PAK4: variants seen among roughly 807,000 people sequenced by gnomAD.
The protein encoded by PAK4 is serine/threonine-protein kinase PAK 4.
Under a neutral mutation model 53.5 loss-of-function variants are expected in PAK4, and 49 were observed. That is an observed-to-expected ratio of 0.92 (90% CI 0.73 to 1.16). The LOEUF is 1.16. Ranked by LOEUF, PAK4 falls within the 50% of genes most tolerant of loss-of-function variation. PAK4 has a pLI of 0.00. For missense variants in PAK4, 824 were observed against 850.7 expected, an observed-to-expected ratio of 0.97 and a Z score of 0.39; for synonymous variants, 376 against 375.6, an observed-to-expected ratio of 1.00 and a Z score of -0.01.
At chr19:39,138,458 A>G (rs2073857175) in intron 1 of PAK4, among the ~76,000 whole-genome samples, 1 of 152,200 alleles carries the variant, frequency 6.6e-6, no homozygotes, top group Non-Finnish European at 1.5e-5. Flanking sequence ...TGAGTCTCCC[A>G]ATCCATGAAC....
chr19:39,126,780 C>G (rs1016429402), intron 1 of PAK4, among the ~76,000 whole-genome samples: 2 of 152,198 alleles, frequency 1.3e-5, no homozygotes, highest in Non-Finnish European at 2.9e-5. Context: ...ACACTGTGCT[C>G]CACGCCCTGT....
At chr19:39,177,784 C>T in exon 8 of PAK4, 3 of 1,613,358 alleles carry the variant, frequency 1.9e-6, no homozygotes, top group Non-Finnish European at 2.5e-6. Context: ...GACAACCTGC[C>T]ACCCCGACTG....
intron 1 of PAK4, among the ~76,000 whole-genome samples, chr19:39,163,758 G>C (rs1421370103): frequency 1.3e-5 from 2 of 152,232 alleles, no homozygotes; most frequent in Non-Finnish European, 2.9e-5. Flanking sequence ...CCTTCCTGCT[G>C]CTCTGGGACT....
At chr19:39,132,444 C>T (rs1251721586) in intron 1 of PAK4, among the ~76,000 whole-genome samples, 2 of 152,230 alleles carry the variant, frequency 1.3e-5, no homozygotes, top group South Asian at 2.1e-4. Flanking sequence ...TCAAATGGAG[C>T]GGACTTCCCA....
intron 1 of PAK4, among the ~76,000 whole-genome samples, chr19:39,141,874 G>T (rs777163014): frequency 3.9e-5 from 6 of 152,130 alleles, no homozygotes; most frequent in African/African-American, 1.4e-4. Flanking sequence ...TGATCCACCC[G>T]CCTCGGCCTC....
intron 1 of PAK4, among the ~76,000 whole-genome samples, chr19:39,130,751 C>T (rs1381246013): frequency 2.0e-5 from 3 of 151,904 alleles, no homozygotes; most frequent in Non-Finnish European, 4.4e-5. Flanking sequence ...GTGTTGGATA[C>T]AGCAGGGCCT....
At chr19:39,147,537 C>A (rs528760502) in intron 1 of PAK4, among the ~76,000 whole-genome samples, 1 of 152,176 alleles carries the variant, frequency 6.6e-6, no homozygotes, top group Non-Finnish European at 1.5e-5. Flanking sequence ...TGCTGGGCAG[C>A]GTGCTGGTTG....
intron 1 of PAK4, among the ~76,000 whole-genome samples, chr19:39,132,445 G>C (rs555492646): frequency 6.6e-6 from 1 of 152,174 alleles, no homozygotes; most frequent in African/African-American, 2.4e-5. Flanking sequence ...CAAATGGAGC[G>C]GACTTCCCAT....
chr19:39,174,001 C>T, exon 4 of PAK4: 1 of 1,592,462 alleles, frequency 6.3e-7, no homozygotes, highest in Non-Finnish European at 8.5e-7. Flanking sequence ...GCGAGCTGCT[C>T]TTCAACGAGG....
rs561528983 is a variant in PAK4, at chr19:39,143,045, T to A, written c.-23+17126T>A. Among the ~76,000 whole-genome samples, 104 of 152,158 alleles carry A rather than the reference T, an allele frequency of 6.8e-4. 1 individual carries two copies. The highest frequency in any genetic ancestry group is 6.3e-3 in the Admixed American group (97 of 15,276). On this transcript the variant is annotated intron_variant, in intron 1 of 8. Coordinates refer to ENST00000358301, the Ensembl canonical transcript of PAK4. ...ACTCTGCATGGCTTCCTCACCTGTA[T>A]CCCGTCTTTGCTCAGACGCCACCCC...
rs1312745764 is a variant in PAK4 at position 39,125,921 on chromosome 19, T to C, written c.-23+2T>C. On this transcript the variant is annotated splice_donor_variant, in intron 1 of 8. Transcript: ENST00000358301. LOFTEE classifies it low-confidence loss of function (5UTR_SPLICE). The stretch of plus-strand genomic sequence containing the variant: ...GCGAGCGACTGCGGCGCCGAGCCGG[T>C]AGGATAAGGGGTCCGGCCAGGGGCT... 1 of 152,120 alleles carries C rather than the reference T, an allele frequency of 6.6e-6. No individual in the cohort carries two copies. Among genetic ancestry groups the C allele is most frequent in the Non-Finnish European group, 1.5e-5 (1 of 68,194 alleles). 9.4% of individuals were successfully genotyped at this position (152,120 alleles called of 1,614,324 possible).
At chr19:39,174,155 C>G (rs1334378035) in intron 4 of PAK4, 145 bp downstream of exon 5, 1 of 634,582 alleles carries the variant, frequency 1.6e-6, no homozygotes, top group African/African-American at 1.8e-5. Flanking sequence ...CCCAGGCCGT[C>G]TCGTCCGCCC....
intron 1 of PAK4, among the ~76,000 whole-genome samples, chr19:39,157,558 C>T (rs1352174826): frequency 2.0e-5 from 3 of 152,204 alleles, no homozygotes; most frequent in Non-Finnish European, 2.9e-5. Context: ...CACCTTCTCC[C>T]ACTGAAGTCT....
intron 1 of PAK4, among the ~76,000 whole-genome samples, chr19:39,139,979 G>A (rs1282415261): frequency 6.6e-6 from 1 of 152,150 alleles, no homozygotes; most frequent in African/African-American, 2.4e-5. Context: ...GGCACGCTAC[G>A]GGGACATGTG....
chr19:39,172,831 G>C lies in PAK4; in HGVS notation c.205-87G>C, dbSNP rs192281574. 142 of 1,105,496 alleles carry C rather than the reference G, an allele frequency of 1.3e-4. No individual in the cohort carries two copies. The East Asian group carries it at 3.6e-3, about 28-fold the overall frequency. 68.5% of individuals were successfully genotyped at this position (1,105,496 alleles called of 1,614,324 possible). A position where few individuals can be genotyped will look rare whatever the true frequency, so the allele number is the denominator to read the frequency against. Reference sequence around the variant, plus strand: ...TCTCTGTCTTGTCTCTGTGTGTGTCGTGCTGTCCTGTCCCTGCGTGTCGGA... The same window carrying C: ...TCTCTGTCTTGTCTCTGTGTGTGTCCTGCTGTCCTGTCCCTGCGTGTCGGA... On this transcript the variant is annotated intron_variant, in intron 2 of 8. Coordinates refer to ENST00000358301, the Ensembl canonical transcript of PAK4.
chr19:39,127,113 G>A (rs1384972715), intron 1 of PAK4, among the ~76,000 whole-genome samples: 1 of 152,076 alleles, frequency 6.6e-6, no homozygotes, highest in East Asian at 1.9e-4. Flanking sequence ...GTGTTTGTAG[G>A]TGGTCTGGAG....
At position 39,178,401 on chromosome 19, in the gene PAK4, G is replaced by C. The variant is rs1161640355; in HGVS notation, c.1621-23G>C. On this transcript the variant is annotated intron_variant, in intron 8 of 8. Transcript: ENST00000358301. The surrounding 1 kb of genome is among the most constrained non-coding windows in gnomAD (Gnocchi z 4.4). ...TGAACAGTGGGGAGCCTCGCCCCCT[G>C]ACCCTCCCCTCCTTCTCGACAGGTG... The C allele has an allele frequency of 1.9e-6, 3 of 1,566,346 alleles. No individual in the cohort carries two copies.
chr19:39,176,925 G>A (rs755838894), intron 7 of PAK4, among the ~76,000 whole-genome samples: 72 of 152,020 alleles, frequency 4.7e-4, no homozygotes, highest in Non-Finnish European at 8.2e-4. Context: ...CTGGAGTGCA[G>A]TGGTGCAATC....
intron 1 of PAK4, among the ~76,000 whole-genome samples, chr19:39,164,323 C>T (rs918447422): frequency 6.6e-5 from 10 of 151,014 alleles, no homozygotes; most frequent in South Asian, 2.1e-4. Flanking sequence ...CACACAAGCA[C>T]GCCATATATG....
Sources: allele counts gnomAD v4.1 joint callset (sites outside exome capture counted in the v4.1 genomes callset), GRCh38; gene constraint gnomAD v4.1.1; non-coding constraint Gnocchi (gnomAD v3.1); transcripts MANE v1.5; gene names NCBI Gene and HGNC (gene_info 2026-07-23, HGNC 2026-07-21).